The following WNK2 variants were observed in gnomAD, a reference collection of about 807,000 sequenced individuals.
The protein encoded by WNK2 is serine/threonine-protein kinase WNK2.
In WNK2, 67 loss-of-function variants were observed where a neutral mutation model predicts 192.1. That is an observed-to-expected ratio of 0.35 (90% CI 0.29 to 0.43). The LOEUF (loss-of-function observed/expected upper bound fraction) is 0.43. Among genes scored for constraint, WNK2 ranks in the 20% least tolerant of loss-of-function variants. The probability of loss-of-function intolerance (pLI) is 1.00; values close to 1 mark genes in which losing one functional copy is unlikely to be tolerated. For synonymous variants in WNK2, 1,439 were observed against 1,393.9 expected, an observed-to-expected ratio of 1.03 and a Z score of -0.72; for missense variants, 2,698 against 3,089.7, an observed-to-expected ratio of 0.87 and a Z score of 3.01.
intron 26 of WNK2, 30 bp downstream of exon 26, chr9:93,300,179 C>A (rs757596024): frequency 1.3e-6 from 2 of 1,580,628 alleles, no homozygotes; most frequent in Non-Finnish European, 8.7e-7. Flanking sequence ...TATTTTATCA[C>A]CTCCTGGCCC....
chr9:93,263,851 G>A, intron 15 of WNK2, 66 bp from the exon 16 acceptor site: 1 of 1,305,448 alleles, frequency 7.7e-7, no homozygotes, highest in Middle Eastern at 2.6e-4. Context: ...ACTTGGGGGT[G>A]TGTGGGGGTG....
intron 2 of WNK2, among the ~76,000 whole-genome samples, chr9:93,203,839 G>A (rs1832908028): frequency 1.3e-5 from 2 of 152,152 alleles, no homozygotes; most frequent in Non-Finnish European, 2.9e-5. Flanking sequence ...GAAGCCGGGG[G>A]AGGCTGCTGC....
At chr9:93,302,002 G>A (rs985115202) in intron 26 of WNK2, among the ~76,000 whole-genome samples, 6 of 152,216 alleles carry the variant, frequency 3.9e-5, no homozygotes, top group Admixed American at 6.5e-5. Flanking sequence ...CCAGGCCTCC[G>A]AAGTCTCTGC....
intron 2 of WNK2, among the ~76,000 whole-genome samples, chr9:93,197,732 A>C (rs1445113446): frequency 6.6e-6 from 1 of 152,032 alleles, no homozygotes; most frequent in Admixed American, 6.5e-5. Context: ...CATCTTGCCC[A>C]AGTTGGTCTT....
chr9:93,267,322 A>C, intron 16 of WNK2: 1 of 160,598 alleles, frequency 6.2e-6, no homozygotes, highest in Non-Finnish European at 1.4e-5. Flanking sequence ...GCTGGCTGGA[A>C]CCTTTGCCTT....
In WNK2 at chr9:93,229,877, C is replaced by G; in HGVS notation, c.854+9C>G. ...TCAGGGACGCTGAAGACGTAAGCTC[C>G]GCTTCCTGAGGGCTGGGGCGGGTCC... is the stretch of plus-strand genomic sequence containing the variant. On this transcript the variant is annotated intron_variant, in intron 3 of 29. Transcript: ENST00000427277. The surrounding 1 kb of genome is among the most constrained non-coding windows in gnomAD (Gnocchi z 4.9). 1 of 1,611,674 alleles carries G rather than the reference C, an allele frequency of 6.2e-7. No homozygotes were observed. Among genetic ancestry groups the G allele is most frequent in the South Asian group, 1.1e-5 (1 of 90,934 alleles).
At chr9:93,297,745 C>A in intron 23 of WNK2, 108 bp from the exon 24 acceptor site, 1 of 1,164,742 alleles carries the variant, frequency 8.6e-7, no homozygotes, top group Non-Finnish European at 1.2e-6. Context: ...AGGCAGGGTG[C>A]CCACCCTTCA....
At chr9:93,196,058 C>T (rs1431181149) in intron 2 of WNK2, among the ~76,000 whole-genome samples, 1 of 152,142 alleles carries the variant, frequency 6.6e-6, no homozygotes, top group African/African-American at 2.4e-5. Context: ...AGAGCCTTTA[C>T]GATGCCCACT....
intron 28 of WNK2, among the ~76,000 whole-genome samples, chr9:93,310,029 CGG>C (rs1175255225): frequency 1.6e-4 from 24 of 152,316 alleles, no homozygotes; most frequent in Admixed American, 9.1e-4. Flanking sequence ...TTAGTGCTTG[CGG>C]TTTGTGGAGA....
At chr9:93,198,846 C>G (rs1161240073) in intron 2 of WNK2, among the ~76,000 whole-genome samples, 1 of 152,212 alleles carries the variant, frequency 6.6e-6, no homozygotes, top group African/African-American at 2.4e-5. Context: ...CCCTCTTGCC[C>G]CATTGTCCTT....
At chr9:93,272,692 C>T (rs956050880) in intron 19 of WNK2, among the ~76,000 whole-genome samples, 8 of 138,208 alleles carry the variant, frequency 5.8e-5, no homozygotes, top group Admixed American at 1.5e-4. Flanking sequence ...AAGCCGAGAT[C>T]GCGCCATTGC....
intron 2 of WNK2, among the ~76,000 whole-genome samples, chr9:93,185,961 C>T (rs553358542): frequency 2.6e-5 from 4 of 152,202 alleles, no homozygotes; most frequent in Non-Finnish European, 5.9e-5. Context: ...GTCCCGATGA[C>T]CTACTTTAAT....
intron 28 of WNK2, among the ~76,000 whole-genome samples, chr9:93,313,623 C>CT (rs1854063076): frequency 6.6e-6 from 1 of 151,808 alleles, no homozygotes; most frequent in African/African-American, 2.4e-5. Context: ...GTTTAATTTG[C>CT]CTTAGAGCAA....
chr9:93,308,068 C>A, intron 27 of WNK2: 1 of 598,234 alleles, frequency 1.7e-6, no homozygotes, highest in Non-Finnish European at 2.8e-6. Flanking sequence ...GCAGAGGCTG[C>A]CGGCTGCTGC....
At chr9:93,269,526 A>G (rs1182821376) in intron 19 of WNK2, among the ~76,000 whole-genome samples, 1 of 152,244 alleles carries the variant, frequency 6.6e-6, no homozygotes, top group East Asian at 1.9e-4. Flanking sequence ...ACGAGCTGAA[A>G]CAAGGTGATC....
Position 93,244,441 on chromosome 9 carries a change from A to G in WNK2, c.1543-3102A>G, listed in dbSNP as rs184373093. ...GCAATGCGCCTGTGTGGCACTCACCATGGCTAAATGTTTTCCTGTTTGGGA... is the reference window on the plus strand; with the variant it reads ...GCAATGCGCCTGTGTGGCACTCACCGTGGCTAAATGTTTTCCTGTTTGGGA... On this transcript the variant is annotated intron_variant, in intron 7 of 29. Transcript: ENST00000427277. Among the ~76,000 whole-genome samples the G allele has an allele frequency of 2.1e-4, 32 of 152,330 alleles. No individual in the cohort carries two copies. The East Asian group carries it at 6.0e-3, about 28-fold the overall frequency.
chr9:93,250,782 C>CTTTTTTTTTT (rs35468086), intron 8 of WNK2, among the ~76,000 whole-genome samples: 1 of 118,628 alleles, frequency 8.4e-6, no homozygotes, highest in Non-Finnish European at 1.7e-5. Flanking sequence ...AACTCATTCA[C>CTTTTTTTTTT]TTTTTTTTTT....
In WNK2 at chr9:93,288,814, T is replaced by C. The variant is rs376666483; in HGVS notation, c.4060T>C (p.Ser1354Pro). The C allele has an allele frequency of 1.9e-6, 3 of 1,611,934 alleles. No homozygotes were observed. The highest frequency in any genetic ancestry group is 2.5e-6 in the Non-Finnish European group (3 of 1,179,540). Residue 1354 changes from serine (S) to proline (P), a missense_variant, in exon 20 of 30, where the codon TCC becomes CCC. Ser to Pro is a moderately conservative substitution (Grantham distance 74, BLOSUM62 -1). Around this residue, in one of 7 missense-constraint regions of WNK2, gnomAD observed 1,098 missense variants for 1,101.0 expected, o/e 1.00. Transcript: ENST00000427277. ...TTCAGCGCCCTATAAAGACCAGCTG[T>C]CCTCGAAGGAACAACCCAGCTTTCT... The part of the protein sequence containing the change: ...QDSAPYKDQL[S>P]SKEQPSFLAS...
At chr9:93,214,309 A>AT (rs1256699754) in intron 2 of WNK2, among the ~76,000 whole-genome samples, 2 of 151,170 alleles carry the variant, frequency 1.3e-5, no homozygotes, top group African/African-American at 2.4e-5. Flanking sequence ...ATATTTATTT[A>AT]TTTATTTATT....
Sources: allele counts gnomAD v4.1 joint callset (sites outside exome capture counted in the v4.1 genomes callset), GRCh38; gene constraint gnomAD v4.1.1; regional missense constraint gnomAD v4.1.1; non-coding constraint Gnocchi (gnomAD v3.1); transcripts MANE v1.5; gene names NCBI Gene and HGNC (gene_info 2026-07-23, HGNC 2026-07-21).